Variants in BCAS3 observed in about 807,000 individuals in gnomAD.
The protein encoded by BCAS3 is BCAS3 microtubule associated cell migration factor.
A neutral mutation model predicts 116.1 loss-of-function variants in BCAS3; 53 were observed. The ratio of observed to expected loss-of-function variants is 0.46; its 90% CI spans 0.37 to 0.57. BCAS3 has a LOEUF of 0.57. Among genes scored for constraint, BCAS3 ranks in the 20% least tolerant of loss-of-function variants. The probability of loss-of-function intolerance (pLI) is 0.00; values close to 1 mark genes in which losing one functional copy is unlikely to be tolerated. For synonymous variants in BCAS3, 391 were observed against 408.2 expected (o/e 0.96, Z 0.51); for missense variants, 917 against 1,165.4 (o/e 0.79, Z 3.10).
chr17:60,809,740 A>C (rs896064260), intron 7 of BCAS3, among the ~76,000 whole-genome samples: 5 of 152,208 alleles, frequency 3.3e-5, no homozygotes, highest in African/African-American at 1.2e-4. Context: ...AGGAGCCATG[A>C]AAAAGGGTCC....
chr17:60,740,543 T>A (rs1238464556), intron 5 of BCAS3, among the ~76,000 whole-genome samples: 1 of 147,632 alleles, frequency 6.8e-6, no homozygotes, highest in Non-Finnish European at 1.5e-5. Flanking sequence ...GAGGATATGA[T>A]GTATTGGGTA....
rs2054134230 is a variant in BCAS3 at position 61,309,574 on chromosome 17, G to C, written c.2426-58753G>C. Among the ~76,000 whole-genome samples, 1 of 152,138 alleles carries C rather than the reference G, an allele frequency of 6.6e-6. No individual in the cohort carries two copies. Among genetic ancestry groups the C allele is most frequent in the South Asian group, 2.1e-4 (1 of 4,820 alleles). Reference sequence around the variant, plus strand: ...ATAGCTGGGAAGAATATTTTGATTTGTTTGTTTTCCCTGAGAAAGAACAGT... The same window carrying C: ...ATAGCTGGGAAGAATATTTTGATTTCTTTGTTTTCCCTGAGAAAGAACAGT... On this transcript the variant is annotated intron_variant, in intron 22 of 23. Coordinates refer to ENST00000407086, the MANE Select transcript of BCAS3 (RefSeq NM_017679.5). This position sits in a 1 kb window ranked among gnomAD's most constrained non-coding sequence, Gnocchi z 4.6.
At chr17:61,005,510 T>G (rs2064608738) in intron 15 of BCAS3, among the ~76,000 whole-genome samples, 1 of 152,132 alleles carries the variant, frequency 6.6e-6, no homozygotes, top group South Asian at 2.1e-4. Flanking sequence ...CTCCCATCTT[T>G]GTATGGTTGT....
rs1261803645 is a variant in BCAS3, at chr17:61,326,513, G to A, written c.2426-41814G>A. On this transcript the variant is annotated intron_variant, in intron 22 of 23. Coordinates refer to ENST00000407086, the MANE Select transcript of BCAS3 (RefSeq NM_017679.5). The surrounding 1 kb of genome is among the most constrained non-coding windows in gnomAD (Gnocchi z 5.3). ...AGGAGACTGTTAGAGAAGTCGAGTA[G>A]AACATGATGGAATGGATTAGGCTGG... Among the ~76,000 whole-genome samples, 2 of 152,214 alleles carry A rather than the reference G, an allele frequency of 1.3e-5. No homozygotes were observed. Among genetic ancestry groups the A allele is most frequent in the Non-Finnish European group, 2.9e-5 (2 of 68,042 alleles).
Position 60,975,280 on chromosome 17 carries a change from C to T in BCAS3, c.1222-14691C>T, listed in dbSNP as rs554729696. Among the ~76,000 whole-genome samples, 7 of 152,210 alleles carry T rather than the reference C, an allele frequency of 4.6e-5. No individual in the cohort carries two copies. In the South Asian group the frequency reaches 1.5e-3, roughly 32 times the overall value. On this transcript the variant is annotated intron_variant, in intron 14 of 23. Coordinates refer to ENST00000407086, the MANE Select transcript of BCAS3 (RefSeq NM_017679.5). ...CCTCCCAAAGTGCTGGGATTACAGG[C>T]GTGAGCCACCGCGCCCGGCCTCAAG...
At chr17:61,143,817 AAAAT>A (rs1352234773) in intron 22 of BCAS3, among the ~76,000 whole-genome samples, 2 of 152,138 alleles carry the variant, frequency 1.3e-5, no homozygotes, top group Non-Finnish European at 2.9e-5. Flanking sequence ...TCAAAAAAAT[AAAAT>A]AAAATAAATA....
At chr17:61,142,862 A>C (rs1046227815) in intron 22 of BCAS3, among the ~76,000 whole-genome samples, 6 of 152,194 alleles carry the variant, frequency 3.9e-5, no homozygotes, top group Non-Finnish European at 7.3e-5. Context: ...AATTCTCCAT[A>C]ATAAAATGTT....
intron 19 of BCAS3, among the ~76,000 whole-genome samples, chr17:61,052,769 A>G (rs1487065237): frequency 7.6e-6 from 1 of 130,854 alleles, no homozygotes. Flanking sequence ...CCCAGGCTGG[A>G]GTGTAGTGGC....
rs1174520841 is a variant in BCAS3, at chr17:61,131,363, A to G, written c.2425+46799A>G. On this transcript the variant is annotated intron_variant, in intron 22 of 23. Coordinates refer to ENST00000407086, the MANE Select transcript of BCAS3 (RefSeq NM_017679.5). This position sits in a 1 kb window ranked among gnomAD's most constrained non-coding sequence, Gnocchi z 4.4. Reference sequence around the variant, plus strand: ...TTCCCTGACTTTGATAGTTTTAATTATCTTAATTTATCCTCTGTTCCTCTG... The same window carrying G: ...TTCCCTGACTTTGATAGTTTTAATTGTCTTAATTTATCCTCTGTTCCTCTG... 6.6e-6 allele frequency among the ~76,000 whole-genome samples: 1 copy of G among 152,208 alleles called. No homozygotes were observed. The highest frequency in any genetic ancestry group is 1.5e-5 in the Non-Finnish European group (1 of 68,040).
At chr17:61,360,302 A>G (rs748808208) in intron 22 of BCAS3, among the ~76,000 whole-genome samples, 6 of 152,176 alleles carry the variant, frequency 3.9e-5, no homozygotes, top group East Asian at 1.9e-4. Context: ...ACTATGCCCA[A>G]CCAACTTTTG....
At position 60,831,938 on chromosome 17, in the gene BCAS3, CTGTT is replaced by C. The variant is rs555368858; in HGVS notation, c.476+23866_476+23869del. Among the ~76,000 whole-genome samples, 940 of 152,148 alleles carry C rather than the reference CTGTT, an allele frequency of 6.2e-3. 8 individuals are homozygous for C. Among genetic ancestry groups the C allele is most frequent in the Non-Finnish European group, 6.5e-3 (439 of 68,008 alleles). ...TCAGAAGAAAACATTCTGAATGCAT[CTGTT>C]TGTCAGTTTTGTCCGTGCACCTTTC... On this transcript the variant is annotated intron_variant, in intron 7 of 23. Transcript: ENST00000407086.
At chr17:60,808,102 T>G (rs776596789) in intron 7 of BCAS3, 26 bp downstream of exon 7, 9 of 1,438,868 alleles carry the variant, frequency 6.3e-6, no homozygotes, top group African/African-American at 1.4e-5. Flanking sequence ...AAATTCTTTG[T>G]ATCACCTATT....
chr17:61,094,089 C>G (rs1290514681), intron 22 of BCAS3, among the ~76,000 whole-genome samples: 1 of 152,178 alleles, frequency 6.6e-6, no homozygotes, highest in Non-Finnish European at 1.5e-5. Context: ...AACTGGTGGC[C>G]TGTTATCATA....
At chr17:60,865,966 C>T (rs2054558444) in intron 7 of BCAS3, among the ~76,000 whole-genome samples, 1 of 151,920 alleles carries the variant, frequency 6.6e-6, no homozygotes, top group South Asian at 2.1e-4. Context: ...CATTTTTATT[C>T]CTAAAAATGC....
chr17:60,913,221 A>G (rs1822776197), intron 12 of BCAS3, among the ~76,000 whole-genome samples: 1 of 152,084 alleles, frequency 6.6e-6, no homozygotes, highest in Non-Finnish European at 1.5e-5. Context: ...GTTAACTTTT[A>G]AAAGTTAAGA....
At chr17:60,902,817 T>C in intron 11 of BCAS3, 114 bp downstream of exon 11, 1 of 813,544 alleles carries the variant, frequency 1.2e-6, no homozygotes, top group Non-Finnish European at 2.0e-6. Flanking sequence ...TTATCCAATT[T>C]TAAAGATTTT....
chr17:60,902,385 C>T (rs1028154602), intron 10 of BCAS3, among the ~76,000 whole-genome samples: 1 of 152,158 alleles, frequency 6.6e-6, no homozygotes, highest in Non-Finnish European at 1.5e-5. Context: ...GACCATTCTT[C>T]TTGTAATGAA....
At chr17:60,878,589 C>T (rs1037839520) in intron 9 of BCAS3, among the ~76,000 whole-genome samples, 2 of 152,212 alleles carry the variant, frequency 1.3e-5, no homozygotes, top group Admixed American at 6.5e-5. Flanking sequence ...TTTCTTCATA[C>T]TCTGGATACA....
chr17:61,116,204 C>T (rs1262890364), intron 22 of BCAS3, among the ~76,000 whole-genome samples: 1 of 151,446 alleles, frequency 6.6e-6, no homozygotes, highest in Non-Finnish European at 1.5e-5. Flanking sequence ...AACTAACCTG[C>T]ACAATGTGCG....
Sources: allele counts gnomAD v4.1 joint callset (sites outside exome capture counted in the v4.1 genomes callset), GRCh38; gene constraint gnomAD v4.1.1; non-coding constraint Gnocchi (gnomAD v3.1); transcripts MANE v1.5; gene names NCBI Gene and HGNC (gene_info 2026-07-23, HGNC 2026-07-21).